Variants in GIN1 observed in about 807,000 individuals in gnomAD.
GIN1 encodes gypsy retrotransposon integrase 1, also known as gypsy retrotransposon integrase-like protein 1.
In GIN1, 41 loss-of-function variants were observed where a neutral mutation model predicts 51.4. The observed-to-expected ratio is 0.80, with a 90% confidence interval of 0.62 to 1.04. The LOEUF (loss-of-function observed/expected upper bound fraction) is 1.04. Among genes scored for constraint, GIN1 ranks in the 50% least tolerant of loss-of-function variants. The pLI, the probability that GIN1 is intolerant of heterozygous loss-of-function variation, is 0.00. For synonymous variants in GIN1, 222 were observed against 206.5 expected (o/e 1.07, Z -0.64); for missense variants, 610 against 612.4 (o/e 1.00, Z 0.04).
intron 7 of GIN1, among the ~76,000 whole-genome samples, chr5:103,093,949 A>G (rs1554194778): frequency 6.6e-6 from 1 of 152,198 alleles, no homozygotes. Flanking sequence ...AAGAATGGAT[A>G]AGAAGTTGGC....
chr5:103,112,925 G>T (rs1554197036), intron 1 of GIN1, among the ~76,000 whole-genome samples: 1 of 151,862 alleles, frequency 6.6e-6, no homozygotes, highest in African/African-American at 2.4e-5. Context: ...GAGGAAAAGA[G>T]GAGGAAATCA....
chr5:103,113,452 A>G (rs973508477), intron 1 of GIN1, among the ~76,000 whole-genome samples: 2 of 152,034 alleles, frequency 1.3e-5, no homozygotes, highest in Admixed American at 1.3e-4. Flanking sequence ...GACTCTTTAA[A>G]ATACAGGCAC....
chr5:103,096,218 C>T (rs1274036531), intron 7 of GIN1, among the ~76,000 whole-genome samples: 2 of 152,002 alleles, frequency 1.3e-5, no homozygotes, highest in Admixed American at 6.6e-5. Flanking sequence ...TGGTATCCAC[C>T]TGTAGTCCCA....
chr5:103,118,994 G>A (rs1282680368), intron 1 of GIN1, among the ~76,000 whole-genome samples: 2 of 152,136 alleles, frequency 1.3e-5, no homozygotes, highest in Non-Finnish European at 2.9e-5. Context: ...AAGAAAAAAT[G>A]AAAGTGATTG....
At chr5:103,090,221 G>A (rs1310008642) in intron 7 of GIN1, among the ~76,000 whole-genome samples, 7 of 152,174 alleles carry the variant, frequency 4.6e-5, no homozygotes, top group African/African-American at 1.7e-4. Flanking sequence ...CCCAGGAGGT[G>A]GAGGTTGCAG....
chr5:103,093,611 T>C (rs1418423331), intron 7 of GIN1, among the ~76,000 whole-genome samples: 5 of 152,190 alleles, frequency 3.3e-5, no homozygotes, highest in South Asian at 2.1e-4. Flanking sequence ...AGGAAACTTA[T>C]ACAATAATGA....
At chr5:103,115,021 T>C (rs1279209608) in intron 1 of GIN1, among the ~76,000 whole-genome samples, 1 of 152,022 alleles carries the variant, frequency 6.6e-6, no homozygotes, top group East Asian at 1.9e-4. Context: ...ATTCAGAAAG[T>C]GGATTTAGAA....
chr5:103,089,299 A>C (rs1339365795), intron 7 of GIN1, among the ~76,000 whole-genome samples: 2 of 152,202 alleles, frequency 1.3e-5, no homozygotes, highest in African/African-American at 4.8e-5. Context: ...CCTTTCTGAT[A>C]TTTGAATTCA....
chr5:103,097,311 C>T lies in GIN1; in HGVS notation c.1008+3G>A. The T allele has an allele frequency of 6.5e-7, 1 of 1,546,094 alleles. No individual in the cohort carries two copies. The highest frequency in any genetic ancestry group is 8.9e-7 in the Non-Finnish European group (1 of 1,124,564). Reference sequence around the variant, plus strand: ...TTACAGTTTTTCTATTGAATAGAATCACCTGGCCCAGTGAAGTTGTCTTAT... The same window carrying T: ...TTACAGTTTTTCTATTGAATAGAATTACCTGGCCCAGTGAAGTTGTCTTAT... On this transcript the variant is annotated splice_donor_region_variant and intron_variant, in intron 6 of 7. Transcript: ENST00000399004.
At chr5:103,095,099 G>A (rs1787355209) in intron 7 of GIN1, among the ~76,000 whole-genome samples, 1 of 152,046 alleles carries the variant, frequency 6.6e-6, no homozygotes, top group South Asian at 2.1e-4. Context: ...TACTCTTTTT[G>A]TTATTAATAT....
intron 1 of GIN1, among the ~76,000 whole-genome samples, chr5:103,115,955 T>C: frequency 6.6e-6 from 1 of 152,144 alleles, no homozygotes; most frequent in East Asian, 1.9e-4. Context: ...TATTTCTTTC[T>C]GAAATGCCAC....
In GIN1 at chr5:103,088,163, T is replaced by C. The variant is rs1035607721; in HGVS notation, c.1304A>G (p.Tyr435Cys). 4 of 1,500,532 alleles carry C rather than the reference T, an allele frequency of 2.7e-6. No homozygotes were observed. Among genetic ancestry groups the C allele is most frequent in the Non-Finnish European group, 3.6e-6 (4 of 1,119,762 alleles). 93.0% of individuals were successfully genotyped at this position (1,500,532 alleles called of 1,614,324 possible). A position where few individuals can be genotyped will look rare whatever the true frequency, so the allele number is the denominator to read the frequency against. ...TGCCACTACTGAACCTTGCAAGAGA[T>C]AAAGACTTTCTGAAAAAAGAAAAAT... ...IRESSEQESL[Y>C]LLQGSVVADH... The change falls in exon 8 of 8, where the codon TAT becomes TGT. Residue 435 changes from tyrosine (Y) to cysteine (C), a missense_variant. By Grantham distance (194) the Tyr-to-Cys change is radical. Transcript: ENST00000399004.
intron 1 of GIN1, among the ~76,000 whole-genome samples, chr5:103,108,923 A>C (rs1214363206): frequency 1.3e-5 from 2 of 152,018 alleles, no homozygotes; most frequent in African/African-American, 2.4e-5. Context: ...CCCATGACAA[A>C]TTATCTTGTC....
At chr5:103,097,211 ATGTG>A (rs139034163) in intron 6 of GIN1, 99 bp downstream of exon 6, 6 of 670,458 alleles carry the variant, frequency 8.9e-6, no homozygotes, top group Admixed American at 3.2e-5. Context: ...GCAAGTAAGT[ATGTG>A]TGTGTGTGTG....
intron 4 of GIN1, among the ~76,000 whole-genome samples, chr5:103,098,054 C>T (rs536183135): frequency 7.9e-5 from 12 of 152,044 alleles, no homozygotes; most frequent in Middle Eastern, 6.8e-3. Context: ...GGCTAATTTT[C>T]GTATTTCTAG....
chr5:103,104,894 A>C, intron 3 of GIN1, 48 bp from the exon 4 acceptor site: 18 of 1,097,774 alleles, frequency 1.6e-5, no homozygotes, highest in Non-Finnish European at 2.3e-5. Flanking sequence ...GTTAACACTC[A>C]ACACAATATA....
chr5:103,119,863 G>A (rs1788344928), intron 1 of GIN1, among the ~76,000 whole-genome samples: 1 of 152,128 alleles, frequency 6.6e-6, no homozygotes, highest in Non-Finnish European at 1.5e-5. Flanking sequence ...AACAGCACTC[G>A]CCCTTTCTGC....
At chr5:103,116,228 T>C (rs1375118147) in intron 1 of GIN1, among the ~76,000 whole-genome samples, 3 of 152,126 alleles carry the variant, frequency 2.0e-5, no homozygotes, top group Non-Finnish European at 2.9e-5. Flanking sequence ...TTATTTGGTT[T>C]CAGGACTTTC....
chr5:103,097,172 A>C, intron 6 of GIN1, 142 bp downstream of exon 6: 1 of 626,842 alleles, frequency 1.6e-6, no homozygotes, highest in Non-Finnish European at 2.8e-6. Context: ...TAATCAAGAC[A>C]AGAAAAATCT....
Sources: gnomAD v4.1 joint callset for allele counts (sites outside exome capture counted in the v4.1 genomes callset) on GRCh38, gnomAD v4.1.1 for gene constraint, MANE v1.5 for transcripts, NCBI Gene and HGNC (gene_info 2026-07-23, HGNC 2026-07-21) for gene names.